STMN2: variants seen among roughly 807,000 people sequenced by gnomAD.
STMN2 encodes stathmin-2.
STMN2 carries 2 observed loss-of-function variants against 24.1 expected under a neutral mutation model. The ratio of observed to expected loss-of-function variants is 0.08; its 90% CI spans 0.03 to 0.26. The LOEUF is 0.26. Among genes scored for constraint, STMN2 ranks in the 10% least tolerant of loss-of-function variants. The pLI, the probability that STMN2 is intolerant of heterozygous loss-of-function variation, is 1.00. For synonymous variants in STMN2, 83 were observed against 77.5 expected, an observed-to-expected ratio of 1.07 and a Z score of -0.37; for missense variants, 114 against 213.6, an observed-to-expected ratio of 0.53 and a Z score of 2.91.
At chr8:79,612,286 G>C (rs186817377) in intron 1 of STMN2, among the ~76,000 whole-genome samples, 2 of 152,256 alleles carry the variant, frequency 1.3e-5, no homozygotes, top group Admixed American at 6.5e-5. Context: ...GGGAAAAGTG[G>C]GTTAACATTT....
rs540084215 is a variant in STMN2, at chr8:79,653,951, G to GT, written c.289-919dup. On this transcript the variant is annotated intron_variant, in intron 3 of 4. Transcript: ENST00000220876. ...AACACATCCTGGGTCACAAACAGAG[G>GT]TAAGACTTGAACACAGGCCTGACAT... Among the ~76,000 whole-genome samples, 255 of 152,292 alleles carry GT rather than the reference G, an allele frequency of 1.7e-3. 1 individual carries two copies. Among genetic ancestry groups the GT allele is most frequent in the Non-Finnish European group, 1.7e-3 (119 of 68,030 alleles).
chr8:79,617,242 G>A (rs1164893219), intron 1 of STMN2, among the ~76,000 whole-genome samples: 1 of 152,184 alleles, frequency 6.6e-6, no homozygotes, highest in Non-Finnish European at 1.5e-5. Flanking sequence ...CTACAGATCA[G>A]AAAGAGGATC....
chr8:79,629,474 C>T (rs1381766368), intron 1 of STMN2, among the ~76,000 whole-genome samples: 1 of 152,096 alleles, frequency 6.6e-6, no homozygotes, highest in Non-Finnish European at 1.5e-5. Flanking sequence ...CAAAACAATG[C>T]ACAGTGTTGT....
At chr8:79,648,432 G>C (rs1310636224) in intron 3 of STMN2, among the ~76,000 whole-genome samples, 1 of 148,094 alleles carries the variant, frequency 6.8e-6, no homozygotes, top group Non-Finnish European at 1.5e-5. Flanking sequence ...AGACTGAAAT[G>C]CTACCATACA....
At chr8:79,630,510 GTGACTC>G (rs1417310510) in intron 1 of STMN2, among the ~76,000 whole-genome samples, 2 of 152,194 alleles carry the variant, frequency 1.3e-5, no homozygotes, top group Non-Finnish European at 2.9e-5. Flanking sequence ...CAAAACATTT[GTGACTC>G]TGGACATTGG....
At chr8:79,658,184 T>C (rs75133048) in intron 4 of STMN2, among the ~76,000 whole-genome samples, 2 of 152,230 alleles carry the variant, frequency 1.3e-5, no homozygotes, top group South Asian at 2.1e-4. Context: ...CCTGTAGTCA[T>C]AGCTACTTCA....
At chr8:79,623,242 C>T (rs770713548) in intron 1 of STMN2, among the ~76,000 whole-genome samples, 36 of 152,284 alleles carry the variant, frequency 2.4e-4, no homozygotes, top group African/African-American at 8.2e-4. Context: ...AGGAAAGCAA[C>T]GCCTTTACAA....
chr8:79,636,398 G>T (rs1053975313), intron 1 of STMN2, among the ~76,000 whole-genome samples: 3 of 152,028 alleles, frequency 2.0e-5, no homozygotes, highest in African/African-American at 7.2e-5. Context: ...GTAGCCCTCC[G>T]GAATCTTACT....
intron 4 of STMN2, 134 bp from the exon 5 acceptor site, chr8:79,664,681 A>G: frequency 3.4e-6 from 2 of 580,514 alleles, no homozygotes; most frequent in East Asian, 3.4e-5. Flanking sequence ...TGCAGGGCCC[A>G]TATTTTCCTT....
At chr8:79,637,014 T>C (rs1333349889) in intron 2 of STMN2, 117 bp downstream of exon 2, 11 of 910,908 alleles carry the variant, frequency 1.2e-5, no homozygotes, top group African/African-American at 5.0e-5. Context: ...CTCTCACTAT[T>C]GACTTGCCGT....
At chr8:79,657,668 A>G (rs530899124) in intron 4 of STMN2, among the ~76,000 whole-genome samples, 4 of 152,288 alleles carry the variant, frequency 2.6e-5, no homozygotes, top group African/African-American at 9.6e-5. Context: ...TGCTTTTCAA[A>G]TCTAATAGGA....
chr8:79,650,932 C>T (rs1810321420), intron 3 of STMN2, among the ~76,000 whole-genome samples: 1 of 152,138 alleles, frequency 6.6e-6, no homozygotes, highest in Admixed American at 6.5e-5. Flanking sequence ...AAGCAAGACC[C>T]TGTCTCTAAA....
chr8:79,626,100 AT>A (rs1434513581), intron 1 of STMN2, among the ~76,000 whole-genome samples: 3 of 152,052 alleles, frequency 2.0e-5, no homozygotes, highest in Non-Finnish European at 4.4e-5. Flanking sequence ...CCCTATCCCC[AT>A]TTTGTGGATA....
intron 2 of STMN2, among the ~76,000 whole-genome samples, chr8:79,641,132 C>A (rs547742258): frequency 6.6e-6 from 1 of 152,062 alleles, no homozygotes; most frequent in South Asian, 2.1e-4. Flanking sequence ...TATTCAACTC[C>A]CTGCAGATAT....
At chr8:79,611,954 C>G (rs1428166642) in intron 1 of STMN2, among the ~76,000 whole-genome samples, 3 of 144,704 alleles carry the variant, frequency 2.1e-5, no homozygotes, top group African/African-American at 7.9e-5. Context: ...ACAGCGGCTT[C>G]GAAGGCGCTG....
intron 1 of STMN2, among the ~76,000 whole-genome samples, chr8:79,626,259 G>A (rs1809652486): frequency 6.6e-6 from 1 of 152,188 alleles, no homozygotes; most frequent in Non-Finnish European, 1.5e-5. Flanking sequence ...AAATAAGGGA[G>A]AGAACATATA....
At chr8:79,613,716 T>C in intron 1 of STMN2, 1 of 985,466 alleles carries the variant, frequency 1.0e-6, no homozygotes, top group Non-Finnish European at 1.2e-6. Context: ...TTGCGTTCGC[T>C]TTGCTTCCTC....
chr8:79,642,327 T>C (rs536718633), intron 3 of STMN2, among the ~76,000 whole-genome samples: 1 of 152,304 alleles, frequency 6.6e-6, no homozygotes, highest in South Asian at 2.1e-4. Context: ...CTAGGGACTG[T>C]GTACACAAAC....
intron 2 of STMN2, among the ~76,000 whole-genome samples, chr8:79,640,136 GT>G (rs1316029711): frequency 1.3e-5 from 2 of 152,182 alleles, no homozygotes; most frequent in Admixed American, 6.5e-5. Flanking sequence ...GGAGGCGGAG[GT>G]TGCAGTGAGT....
Sources: allele counts gnomAD v4.1 joint callset (sites outside exome capture counted in the v4.1 genomes callset), GRCh38; gene constraint gnomAD v4.1.1; transcripts MANE v1.5; gene names NCBI Gene and HGNC (gene_info 2026-07-23, HGNC 2026-07-21).